Variants in TIAM1 observed in about 807,000 individuals in gnomAD.
TIAM1 encodes TIAM Rac1 associated GEF 1, also known as rho guanine nucleotide exchange factor TIAM1.
TIAM1 carries 65 observed loss-of-function variants against 163.5 expected under a neutral mutation model. The observed-to-expected ratio is 0.40, with a 90% CI of 0.33 to 0.49. The LOEUF (loss-of-function observed/expected upper bound fraction) is 0.49. Among genes scored for constraint, TIAM1 ranks in the 20% least tolerant of loss-of-function variants. The probability of loss-of-function intolerance (pLI) is 0.77; values close to 1 mark genes in which losing one functional copy is unlikely to be tolerated. For synonymous variants in TIAM1, 833 were observed against 810.1 expected (o/e 1.03, Z -0.48); for missense variants, 1,789 against 2,044.7 (o/e 0.87, Z 2.41).
chr21:31,152,904 T>C, intron 18 of TIAM1, 143 bp from the exon 19 acceptor site: 1 of 1,307,850 alleles, frequency 7.6e-7, no homozygotes, highest in East Asian at 2.4e-5. Context: ...AGTTTTTTAC[T>C]CTTCATGAGC....
intron 1 of TIAM1, among the ~76,000 whole-genome samples, chr21:31,538,583 T>C (rs951713983): frequency 1.3e-5 from 2 of 152,194 alleles, no homozygotes; most frequent in Non-Finnish European, 2.9e-5. Flanking sequence ...CTCTCCTGCC[T>C]GAGGACGCCC....
At chr21:31,411,295 G>C (rs142425980) in intron 2 of TIAM1, among the ~76,000 whole-genome samples, 213 of 152,226 alleles carry the variant, frequency 1.4e-3, no homozygotes, top group African/African-American at 4.7e-3. Flanking sequence ...GGATGTCCTA[G>C]ATTTCACTGT....
chr21:31,303,096 T>C (rs1184675443), intron 2 of TIAM1, among the ~76,000 whole-genome samples: 2 of 152,192 alleles, frequency 1.3e-5, no homozygotes, highest in South Asian at 2.1e-4. Flanking sequence ...CTAGGAGACA[T>C]TGTTCTGCCA....
At chr21:31,408,140 A>G (rs2077281828) in intron 2 of TIAM1, among the ~76,000 whole-genome samples, 2 of 152,236 alleles carry the variant, frequency 1.3e-5, no homozygotes, top group South Asian at 4.1e-4. Flanking sequence ...CCTAGGATTT[A>G]CTTCTACATT....
At chr21:31,127,546 G>A (rs2082253014) in intron 25 of TIAM1, among the ~76,000 whole-genome samples, 1 of 151,856 alleles carries the variant, frequency 6.6e-6, no homozygotes, top group Non-Finnish European at 1.5e-5. Context: ...AGCTTCCTGA[G>A]TAGCAGGGAT....
chr21:31,238,445 A>G lies in TIAM1; in HGVS notation c.1584+7043T>C, dbSNP rs11909964. ...AAACTAAGATCCTACGTTGTCACAT[A>G]TAAAAAAGTTTACCTCATGTGATCT... is the stretch of plus-strand genomic sequence containing the variant. On this transcript the variant is annotated intron_variant, in intron 6 of 27. Coordinates refer to ENST00000541036, the MANE Select transcript of TIAM1 (RefSeq NM_001353694.2). 2.1e-3 allele frequency among the ~76,000 whole-genome samples: 326 copies of G among 152,344 alleles called. 1 individual carries two copies. The highest frequency in any genetic ancestry group is 7.4e-3 in the African/African-American group (306 of 41,582).
intron 1 of TIAM1, among the ~76,000 whole-genome samples, chr21:31,501,870 T>C (rs1157845846): frequency 1.2e-5 from 1 of 86,240 alleles, no homozygotes; most frequent in African/African-American, 4.8e-5. Flanking sequence ...CCCAAAGTGC[T>C]GGGATTACAG....
chr21:31,142,655 A>G (rs2082909050), intron 20 of TIAM1, among the ~76,000 whole-genome samples: 1 of 151,454 alleles, frequency 6.6e-6, no homozygotes. Flanking sequence ...AAGAAAGAAA[A>G]AAAGAAAAAG....
chr21:31,308,479 T>C (rs2074802522), intron 2 of TIAM1, among the ~76,000 whole-genome samples: 1 of 150,918 alleles, frequency 6.6e-6, no homozygotes, highest in Non-Finnish European at 1.5e-5. Flanking sequence ...TATTATATAT[T>C]AATTACATAT....
chr21:31,286,043 G>T (rs1328910922), intron 2 of TIAM1, among the ~76,000 whole-genome samples: 2 of 152,076 alleles, frequency 1.3e-5, no homozygotes, highest in Non-Finnish European at 2.9e-5. Context: ...TAACTAAAAG[G>T]TATTGGGCAA....
intron 2 of TIAM1, among the ~76,000 whole-genome samples, chr21:31,454,793 T>C (rs1353248954): frequency 1.3e-5 from 2 of 152,160 alleles, no homozygotes; most frequent in Admixed American, 6.5e-5. Context: ...TGAATCAGAA[T>C]TGAAGGCATC....
chr21:31,515,520 T>C (rs1602466656), intron 1 of TIAM1, among the ~76,000 whole-genome samples: 1 of 152,138 alleles, frequency 6.6e-6, no homozygotes, highest in East Asian at 1.9e-4. Context: ...ACTCTGTCAT[T>C]GTAAGTCCCT....
chr21:31,269,745 C>T lies in TIAM1; in HGVS notation c.-11-2762G>A, dbSNP rs185961526. Among the ~76,000 whole-genome samples, 83 of 150,180 alleles carry T rather than the reference C, an allele frequency of 5.5e-4. 1 individual carries two copies. In the East Asian group the frequency reaches 0.015, roughly 28 times the overall value. On this transcript the variant is annotated intron_variant, in intron 3 of 27. Transcript: ENST00000541036. ...GGAGTGCAGTGGCACGATCTTGGCTCACTGCAAGCTCCACCTCCCAGGTTC... is the reference window on the plus strand; with the variant it reads ...GGAGTGCAGTGGCACGATCTTGGCTTACTGCAAGCTCCACCTCCCAGGTTC...
chr21:31,203,851 C>T lies in TIAM1; in HGVS notation c.2389-839G>A, dbSNP rs578096807. On this transcript the variant is annotated intron_variant, in intron 11 of 27. Coordinates refer to ENST00000541036, the MANE Select transcript of TIAM1 (RefSeq NM_001353694.2). The stretch of plus-strand genomic sequence containing the variant: ...GAAGACAAGGCTTTTGGACTTCAAT[C>T]TTATTTATATACTCCCCAAGTGAGA... Among the ~76,000 whole-genome samples, 257 of 152,300 alleles carry T rather than the reference C, an allele frequency of 1.7e-3. 3 individuals are homozygous for T. Among genetic ancestry groups the T allele is most frequent in the African/African-American group, 5.9e-3 (246 of 41,552 alleles).
chr21:31,350,994 T>C (rs1166529566), intron 2 of TIAM1, among the ~76,000 whole-genome samples: 1 of 152,224 alleles, frequency 6.6e-6, no homozygotes, highest in Non-Finnish European at 1.5e-5. Context: ...GGAAACGTGT[T>C]GATGAGAATC....
At chr21:31,391,478 A>G (rs1444561903) in intron 2 of TIAM1, among the ~76,000 whole-genome samples, 2 of 152,126 alleles carry the variant, frequency 1.3e-5, no homozygotes, top group Non-Finnish European at 2.9e-5. Flanking sequence ...TACAAAAATT[A>G]GCTGGGCGTG....
chr21:31,442,525 G>A (rs1028298857), intron 2 of TIAM1, among the ~76,000 whole-genome samples: 6 of 152,126 alleles, frequency 3.9e-5, no homozygotes, highest in East Asian at 1.9e-4. Context: ...GAGCTACCAC[G>A]CCCAGCCGGG....
chr21:31,239,819 A>T (rs2071074121), intron 6 of TIAM1, among the ~76,000 whole-genome samples: 1 of 152,026 alleles, frequency 6.6e-6, no homozygotes, highest in Admixed American at 6.5e-5. Flanking sequence ...AAAGGATTTT[A>T]AAAAATCTCA....
At chr21:31,230,405 TA>T (rs559623763) in intron 6 of TIAM1, among the ~76,000 whole-genome samples, 6,947 of 144,246 alleles carry the variant, frequency 0.048, 429 homozygotes, top group African/African-American at 0.15. Context: ...ACCCTGTTCT[TA>T]AAAAAAAAAA....
Sources: allele counts gnomAD v4.1 joint callset (sites outside exome capture counted in the v4.1 genomes callset), GRCh38; gene constraint gnomAD v4.1.1; transcripts MANE v1.5; gene names NCBI Gene and HGNC (gene_info 2026-07-23, HGNC 2026-07-21).